The following HOXC6 variants were observed in gnomAD, a reference collection of about 807,000 sequenced individuals.
HOXC6 encodes the protein homeobox C6, also known as homeobox protein Hox-C6.
HOXC6 carries 10 observed loss-of-function variants against 24.0 expected under a neutral mutation model. The observed-to-expected ratio is 0.42, with a 90% CI of 0.26 to 0.71. The LOEUF (loss-of-function observed/expected upper bound fraction) is 0.71, where lower values mean the gene tolerates loss of function less well. Ranked by LOEUF, HOXC6 falls within the 30% of genes least tolerant of loss-of-function variation. HOXC6 has a pLI of 0.28. For missense variants in HOXC6, 258 were observed against 303.4 expected (o/e 0.85, Z 1.11); for synonymous variants, 123 against 128.1 (o/e 0.96, Z 0.27).
rs1418007936 is a variant in HOXC6, at chr12:54,028,840, G to A, written c.319G>A (p.Glu107Lys). ...CTCAATCGCTCAGGATTTTAGTTCTGAGCAGGGCAGGACTGCGCCCCAGGA... is the reference window on the plus strand; with the variant it reads ...CTCAATCGCTCAGGATTTTAGTTCTAAGCAGGGCAGGACTGCGCCCCAGGA... ...QTSIAQDFSS[E>K]QGRTAPQDQK... Residue 107 changes from glutamate (E) to lysine (K), a missense_variant, in exon 1 of 2, where the codon GAG becomes AAG. Coordinates refer to ENST00000243108, the MANE Select transcript of HOXC6 (RefSeq NM_004503.4). 2 of 1,614,154 alleles carry A rather than the reference G, an allele frequency of 1.2e-6. No individual in the cohort carries two copies. Among genetic ancestry groups the A allele is most frequent in the Admixed American group, 1.7e-5 (1 of 60,030 alleles).
Position 54,028,529 on chromosome 12 carries a change from C to T in HOXC6, c.8C>T (p.Ser3Phe). 1 of 1,613,648 alleles carries T rather than the reference C, an allele frequency of 6.2e-7. No homozygotes were observed. Among genetic ancestry groups the T allele is most frequent in the Non-Finnish European group, 8.5e-7 (1 of 1,179,728 alleles). MN[S>F]YFTNPSLSCH... ...CCAGGTAAAGGCAAAGGGATGAATT[C>T]CTACTTCACTAACCCTTCCTTATCC... The change falls in exon 1 of 2, where the codon TCC (serine) becomes TTC (phenylalanine). Residue 3 changes from serine (S) to phenylalanine (F), a missense_variant. Physicochemically the swap from Ser to Phe is radical, Grantham distance 155 (BLOSUM62 -2). Transcript: ENST00000243108.
chr12:54,028,261 A>ATT (rs770385019), upstream of HOXC6: 8 of 213,930 alleles, frequency 3.7e-5, no homozygotes, highest in African/African-American at 1.9e-4. Flanking sequence ...ATATATATAT[A>ATT]TATATATTTT....
intron 1 of HOXC6, among the ~76,000 whole-genome samples, chr12:54,023,210 T>G (rs1327847258): frequency 6.6e-6 from 1 of 152,100 alleles, no homozygotes; most frequent in African/African-American, 2.4e-5. Flanking sequence ...CCAGAAATGA[T>G]TTTTTCCAGA....
At chr12:54,023,618 C>A (rs888013070), upstream of HOXC6, among the ~76,000 whole-genome samples, 1 of 152,166 alleles carries the variant, frequency 6.6e-6, no homozygotes, top group Non-Finnish European at 1.5e-5. Flanking sequence ...TTCCTCCTTT[C>A]CCCCTCCCTG....
At position 54,028,622 on chromosome 12, in the gene HOXC6, T is replaced by G. The variant is rs1940839324; in HGVS notation, c.101T>G (p.Val34Gly). 4 of 1,614,088 alleles carry G rather than the reference T, an allele frequency of 2.5e-6. No individual in the cohort carries two copies. The highest frequency in any genetic ancestry group is 1.7e-5 in the Admixed American group (1 of 60,022). ...VALNSTAYDP[V>G]RHFSTYGAAV... ...CTCAATTCCACCGCCTATGATCCAGTGAGGCATTTCTCGACCTATGGAGCG... is the reference window on the plus strand; with the variant it reads ...CTCAATTCCACCGCCTATGATCCAGGGAGGCATTTCTCGACCTATGGAGCG... Residue 34 changes from valine (V) to glycine (G), a missense_variant, in exon 1 of 2, where the codon GTG becomes GGG. Transcript: ENST00000243108.
At position 54,028,475 on chromosome 12, in the gene HOXC6, A is replaced by C; in HGVS notation, c.-47A>C. ...AGTTCCGAGTACAAACTGGAGACAG[A>C]AATAAATATTAAAGAAATCATAGAC... is the stretch of plus-strand genomic sequence containing the variant. On this transcript the variant is annotated 5_prime_UTR_variant, in exon 1 of 2. Coordinates refer to ENST00000243108, the MANE Select transcript of HOXC6 (RefSeq NM_004503.4). 1.3e-6 allele frequency: 2 copies of C among 1,575,862 alleles called. No individual in the cohort carries two copies. The highest frequency in any genetic ancestry group is 1.7e-6 in the Non-Finnish European group (2 of 1,158,390).
At chr12:54,017,541 T>G (rs1360060936) in intron 1 of HOXC6, 1 of 151,622 alleles carries the variant, frequency 6.6e-6, no homozygotes, top group Non-Finnish European at 1.5e-5. Flanking sequence ...GCGTAGTTAA[T>G]TATGGGGAGG....
At chr12:54,021,039 C>T (rs1026609396) in intron 1 of HOXC6, 12 of 152,424 alleles carry the variant, frequency 7.9e-5, no homozygotes, top group African/African-American at 2.6e-4. Flanking sequence ...CTGGAAGCCT[C>T]ACTGGAGCGA....
chr12:54,029,217 A>T (rs1940872333), intron 1 of HOXC6, among the ~76,000 whole-genome samples: 1 of 152,050 alleles, frequency 6.6e-6, no homozygotes, highest in African/African-American at 2.4e-5. Flanking sequence ...CCCAAAGTGG[A>T]GTCAGTCTGA....
chr12:54,027,786 C>T (rs1033225679), upstream of HOXC6, among the ~76,000 whole-genome samples: 1 of 152,186 alleles, frequency 6.6e-6, no homozygotes, highest in African/African-American at 2.4e-5. Flanking sequence ...CCACTGTACC[C>T]TGAAGTCTTG....
upstream of HOXC6, among the ~76,000 whole-genome samples, chr12:54,025,380 G>T (rs1479424440): frequency 2.6e-5 from 4 of 152,068 alleles, no homozygotes; most frequent in African/African-American, 4.8e-5. Context: ...ATGGGAAAAA[G>T]AAAATATAAT....
chr12:54,030,065 T>C lies in HOXC6; in HGVS notation c.*103T>C. On this transcript the variant is annotated 3_prime_UTR_variant, in exon 2 of 2. Coordinates refer to ENST00000243108, the MANE Select transcript of HOXC6 (RefSeq NM_004503.4). The stretch of plus-strand genomic sequence containing the variant: ...TTTATCACTGGCACAATTGATGTGT[T>C]TTGATTCCCTAAAACAAAATTAGGG... The C allele has an allele frequency of 8.3e-7, 1 of 1,198,228 alleles. No homozygotes were observed. 74.2% of individuals were successfully genotyped at this position (1,198,228 alleles called of 1,614,324 possible).
At chr12:54,025,328 T>C (rs889982674), upstream of HOXC6, among the ~76,000 whole-genome samples, 3 of 152,108 alleles carry the variant, frequency 2.0e-5, no homozygotes, top group African/African-American at 7.2e-5. Flanking sequence ...TTTCCCCCTA[T>C]AGACAGCCAT....
upstream of HOXC6, among the ~76,000 whole-genome samples, chr12:54,026,000 T>C (rs1940678768): frequency 6.6e-6 from 1 of 152,074 alleles, no homozygotes; most frequent in Non-Finnish European, 1.5e-5. Flanking sequence ...TCATTGAAAG[T>C]GAAACCTCAT....
At position 54,030,031 on chromosome 12, in the gene HOXC6, C is replaced by A; in HGVS notation, c.*69C>A. 7.4e-7 allele frequency: 1 copy of A among 1,347,942 alleles called. No homozygotes were observed. The highest frequency in any genetic ancestry group is 1.0e-6 in the Non-Finnish European group (1 of 1,002,792). 83.5% of individuals were successfully genotyped at this position (1,347,942 alleles called of 1,614,324 possible). On this transcript the variant is annotated 3_prime_UTR_variant, in exon 2 of 2. Coordinates refer to ENST00000243108, the MANE Select transcript of HOXC6 (RefSeq NM_004503.4). ...CCCCACCAACTCTCCCCTAATCACACACTCTGTATTTATCACTGGCACAAT... is the reference window on the plus strand; with the variant it reads ...CCCCACCAACTCTCCCCTAATCACAAACTCTGTATTTATCACTGGCACAAT...
chr12:54,019,146 G>A (rs1219029811), intron 1 of HOXC6, among the ~76,000 whole-genome samples: 2 of 150,268 alleles, frequency 1.3e-5, no homozygotes, highest in African/African-American at 2.5e-5. Flanking sequence ...TCTCCCGCGG[G>A]AAGAAATGGC....
At chr12:54,020,287 T>A (rs1940375343) in intron 1 of HOXC6, 1 of 152,210 alleles carries the variant, frequency 6.6e-6, no homozygotes, top group African/African-American at 2.4e-5. Flanking sequence ...CTGGCAACAT[T>A]CCTTGGAGCC....
rs143618403 is a variant in HOXC6 at position 54,029,809 on chromosome 12, C to A, written c.555C>A (p.Ile185=). The A allele has an allele frequency of 5.6e-6, 9 of 1,613,958 alleles. No homozygotes were observed. The highest frequency in any genetic ancestry group is 1.1e-5 in the South Asian group (1 of 91,072). Residue 185 remains isoleucine, a synonymous_variant, in exon 2 of 2, where the codon ATC becomes ATA. Coordinates refer to ENST00000243108, the MANE Select transcript of HOXC6 (RefSeq NM_004503.4). ...CGCTTTGCCTGACCGAGCGACAGAT[C>A]AAAATCTGGTTCCAGAACCGCCGGA... ...ANALCLTERQ[I]KIWFQNRRMK...
Position 54,028,596 on chromosome 12 carries a change from C to G in HOXC6, c.75C>G (p.Ala25=). The change falls in exon 1 of 2, where the codon GCC becomes GCG. Residue 25 remains alanine (A), a synonymous_variant. Transcript: ENST00000243108. The stretch of plus-strand genomic sequence containing the variant: ...GCCAGGACGTCCTCCCCAACGTCGC[C>G]CTCAATTCCACCGCCTATGATCCAG... ...AGGQDVLPNV[A]LNSTAYDPVR... 6.2e-7 allele frequency: 1 copy of G among 1,614,102 alleles called. No homozygotes were observed. The highest frequency in any genetic ancestry group is 1.3e-5 in the African/African-American group (1 of 75,000).
Sources: allele counts gnomAD v4.1 joint callset (sites outside exome capture counted in the v4.1 genomes callset), GRCh38; gene constraint gnomAD v4.1.1; transcripts MANE v1.5; gene names NCBI Gene and HGNC (gene_info 2026-07-23, HGNC 2026-07-21).